The following DNAJC6 variants were observed in gnomAD, a reference collection of about 807,000 sequenced individuals.
DNAJC6 encodes the protein auxilin.
A neutral mutation model predicts 110.0 loss-of-function variants in DNAJC6; 34 were observed. That is an observed-to-expected ratio of 0.31 (90% confidence interval 0.24 to 0.41). The LOEUF is 0.41. Among genes scored for constraint, DNAJC6 ranks in the 10% least tolerant of loss-of-function variants. DNAJC6 has a pLI of 1.00. For synonymous variants in DNAJC6, 406 were observed against 437.2 expected (o/e 0.93, Z 0.89); for missense variants, 1,031 against 1,207.8 (o/e 0.85, Z 2.17).
intron 1 of DNAJC6, among the ~76,000 whole-genome samples, chr1:65,330,455 ATTTCT>A (rs1645277440): frequency 6.6e-6 from 1 of 151,658 alleles, no homozygotes; most frequent in African/African-American, 2.4e-5. Flanking sequence ...ATGAAAGTCT[ATTTCT>A]TTTTTTTTTG....
chr1:65,369,141 C>T (rs1645681614), intron 4 of DNAJC6, among the ~76,000 whole-genome samples: 1 of 152,070 alleles, frequency 6.6e-6, no homozygotes, highest in Non-Finnish European at 1.5e-5. Flanking sequence ...TTCCAATTCT[C>T]TCTCCTAAAA....
intron 1 of DNAJC6, among the ~76,000 whole-genome samples, chr1:65,287,158 C>A (rs1654048584): frequency 1.3e-5 from 2 of 152,160 alleles, no homozygotes; most frequent in African/African-American, 4.8e-5. Flanking sequence ...TTGGAAGTAC[C>A]ATATGTACTA....
rs2101639755 is a variant in DNAJC6, at chr1:65,408,627, A to G, written c.2492-14A>G. 1 of 1,599,502 alleles carries G rather than the reference A, an allele frequency of 6.3e-7. No individual in the cohort carries two copies. The highest frequency in any genetic ancestry group is 8.5e-7 in the Non-Finnish European group (1 of 1,176,404). ...GAATGAAAACTGTAATGATTTTCAA[A>G]AATTATATTGCAGAAGGGAAACAAA... On this transcript the variant is annotated splice_polypyrimidine_tract_variant and intron_variant, in intron 16 of 18. Coordinates refer to ENST00000371069, the MANE Select transcript of DNAJC6 (RefSeq NM_001256864.2).
intron 1 of DNAJC6, among the ~76,000 whole-genome samples, chr1:65,335,614 G>T (rs903102985): frequency 6.6e-6 from 1 of 152,140 alleles, no homozygotes; most frequent in African/African-American, 2.4e-5. Flanking sequence ...GGCTCACTGG[G>T]GGAATAGTGG....
At chr1:65,331,982 T>TG (rs760886401) in intron 1 of DNAJC6, among the ~76,000 whole-genome samples, 28 of 152,202 alleles carry the variant, frequency 1.8e-4, no homozygotes, top group East Asian at 1.9e-4. Flanking sequence ...TTCCTTACTC[T>TG]GGGGGGGCCT....
chr1:65,311,926 C>T (rs1375881623), intron 1 of DNAJC6, among the ~76,000 whole-genome samples: 1 of 152,056 alleles, frequency 6.6e-6, no homozygotes, highest in Non-Finnish European at 1.5e-5. Context: ...TGAATGAGAT[C>T]CTTCTGGCCT....
intron 5 of DNAJC6, 156 bp from the exon 6 acceptor site, chr1:65,384,037 A>AT (rs1645847247): frequency 1.2e-6 from 1 of 806,876 alleles, no homozygotes; most frequent in Non-Finnish European, 1.7e-6. Flanking sequence ...GCTGAAACAA[A>AT]TTTTGGTTTT....
chr1:65,392,719 G>C lies in DNAJC6; in HGVS notation c.1757G>C (p.Gly586Ala), dbSNP rs763088357. 3 of 1,612,694 alleles carry C rather than the reference G, an allele frequency of 1.9e-6. No homozygotes were observed. Among genetic ancestry groups the C allele is most frequent in the East Asian group, 2.2e-5 (1 of 44,856 alleles). ...TCTGAACTACTGAGTGACCTGTTTG[G>C]GGGTGGAGGTGCAGCTGGTCCCACC... ...TNSELLSDLF[G>A]GGGAAGPTQA... is the part of the protein sequence containing the mutation. The change falls in exon 12 of 19, where the codon GGG (glycine) becomes GCG (alanine). Residue 586 changes from glycine to alanine, a missense_variant. Coordinates refer to ENST00000371069, the MANE Select transcript of DNAJC6 (RefSeq NM_001256864.2).
chr1:65,399,440 A>C (rs1646009536), intron 14 of DNAJC6, among the ~76,000 whole-genome samples: 1 of 152,184 alleles, frequency 6.6e-6, no homozygotes, highest in Non-Finnish European at 1.5e-5. Context: ...GACATTGAGC[A>C]AGTTAAGTGC....
At chr1:65,400,562 T>A (rs957560070) in intron 14 of DNAJC6, among the ~76,000 whole-genome samples, 1 of 152,194 alleles carries the variant, frequency 6.6e-6, no homozygotes, top group African/African-American at 2.4e-5. Context: ...AGCTTCCACA[T>A]GTGAATGAGA....
intron 12 of DNAJC6, among the ~76,000 whole-genome samples, chr1:65,394,102 C>CAT (rs1433982362): frequency 6.6e-6 from 1 of 152,072 alleles, no homozygotes; most frequent in African/African-American, 2.4e-5. Context: ...TCCAAGATAT[C>CAT]AGTACTCGAT....
At chr1:65,289,711 G>T (rs1199202531) in intron 1 of DNAJC6, among the ~76,000 whole-genome samples, 6 of 152,032 alleles carry the variant, frequency 3.9e-5, no homozygotes, top group Non-Finnish European at 7.4e-5. Flanking sequence ...AAGCTATCTG[G>T]TCTATGCTAT....
intron 1 of DNAJC6, chr1:65,345,583 T>C: frequency 1.1e-6 from 1 of 884,822 alleles, no homozygotes; most frequent in African/African-American, 1.8e-5. Flanking sequence ...ACTAAATAAA[T>C]GCTTTTTCTC....
chr1:65,279,001 A>G, intron 1 of DNAJC6: 1 of 985,402 alleles, frequency 1.0e-6, no homozygotes, highest in Non-Finnish European at 1.2e-6. Flanking sequence ...GTTTAAAAAC[A>G]GACACTTTTA....
At chr1:65,316,203 A>G (rs1414704449) in intron 1 of DNAJC6, among the ~76,000 whole-genome samples, 2 of 152,168 alleles carry the variant, frequency 1.3e-5, no homozygotes, top group Non-Finnish European at 2.9e-5. Context: ...AGCTGGCCCA[A>G]CAAAACTTGT....
At chr1:65,312,702 C>T (rs538671102) in intron 1 of DNAJC6, among the ~76,000 whole-genome samples, 1 of 152,284 alleles carries the variant, frequency 6.6e-6, no homozygotes, top group East Asian at 1.9e-4. Context: ...TTTCATTTCC[C>T]CAGAATTTTA....
At chr1:65,345,926 C>T (rs1311438251) in intron 1 of DNAJC6, among the ~76,000 whole-genome samples, 2 of 152,190 alleles carry the variant, frequency 1.3e-5, no homozygotes, top group African/African-American at 2.4e-5. Flanking sequence ...GCCAAGTCCA[C>T]ACCAGAAGCT....
chr1:65,407,784 T>C (rs1300776463), intron 16 of DNAJC6, among the ~76,000 whole-genome samples: 1 of 152,208 alleles, frequency 6.6e-6, no homozygotes, highest in Non-Finnish European at 1.5e-5. Context: ...TCAGAGCACT[T>C]ACATTTCAGT....
intron 14 of DNAJC6, 80 bp from the exon 15 acceptor site, chr1:65,401,681 A>G (rs1646031094): frequency 1.9e-6 from 3 of 1,552,692 alleles, no homozygotes; most frequent in Non-Finnish European, 2.6e-6. Flanking sequence ...AGACAAATAA[A>G]CAGTAACTCT....
Sources: allele counts gnomAD v4.1 joint callset (sites outside exome capture counted in the v4.1 genomes callset), GRCh38; gene constraint gnomAD v4.1.1; transcripts MANE v1.5; gene names NCBI Gene and HGNC (gene_info 2026-07-23, HGNC 2026-07-21).